The following MAP4K3 variants were observed in gnomAD, a reference collection of about 807,000 sequenced individuals.
MAP4K3 encodes mitogen-activated protein kinase kinase kinase kinase 3, also known as MAPK/ERK kinase kinase kinase 3.
A neutral mutation model predicts 143.5 loss-of-function variants in MAP4K3; 94 were observed. That is an observed-to-expected ratio of 0.65 (90% CI 0.55 to 0.78). The LOEUF (loss-of-function observed/expected upper bound fraction) is 0.78. Among genes scored for constraint, MAP4K3 ranks in the 30% least tolerant of loss-of-function variants. The probability of loss-of-function intolerance (pLI) is 0.00; values close to 1 mark genes in which losing one functional copy is unlikely to be tolerated. For synonymous variants in MAP4K3, 416 were observed against 347.2 expected, an observed-to-expected ratio of 1.20 and a Z score of -2.20; for missense variants, 1,077 against 1,068.1, an observed-to-expected ratio of 1.01 and a Z score of -0.12.
chr2:39,333,429 T>C, intron 7 of MAP4K3, 103 bp downstream of exon 7: 1 of 807,072 alleles, frequency 1.2e-6, no homozygotes, highest in South Asian at 1.6e-5. Flanking sequence ...AATACACAGA[T>C]GCCGTCTTAG....
At chr2:39,367,214 A>G (rs1310097959) in intron 2 of MAP4K3, among the ~76,000 whole-genome samples, 6 of 152,220 alleles carry the variant, frequency 3.9e-5, no homozygotes, top group Admixed American at 3.9e-4. Context: ...GGTTCCACAA[A>G]GCCAAGTAGA....
chr2:39,309,391 T>G, intron 14 of MAP4K3, 70 bp downstream of exon 14: 1 of 1,209,174 alleles, frequency 8.3e-7, no homozygotes, highest in Non-Finnish European at 1.2e-6. Flanking sequence ...TGGTCAGTAC[T>G]AATACATCAC....
At chr2:39,337,263 CTT>C (rs1482135396) in intron 5 of MAP4K3, among the ~76,000 whole-genome samples, 1 of 151,958 alleles carries the variant, frequency 6.6e-6, no homozygotes, top group Non-Finnish European at 1.5e-5. Flanking sequence ...ATTTTCAAGC[CTT>C]TCTTTGGTAT....
intron 4 of MAP4K3, among the ~76,000 whole-genome samples, chr2:39,341,474 T>C (rs1448679954): frequency 6.6e-6 from 1 of 151,980 alleles, no homozygotes; most frequent in Non-Finnish European, 1.5e-5. Flanking sequence ...CTGGCCAATA[T>C]GGTGAAACTC....
At chr2:39,358,106 T>A (rs1036425314) in intron 2 of MAP4K3, among the ~76,000 whole-genome samples, 4 of 152,202 alleles carry the variant, frequency 2.6e-5, no homozygotes, top group African/African-American at 9.6e-5. Context: ...TCTCTGTAAT[T>A]TTCAGATATA....
At chr2:39,332,999 T>G (rs993359336) in intron 7 of MAP4K3, among the ~76,000 whole-genome samples, 2 of 152,246 alleles carry the variant, frequency 1.3e-5, no homozygotes, top group South Asian at 4.1e-4. Context: ...GTTCTTAAAC[T>G]TGCAAATTAA....
chr2:39,409,201 C>T (rs1014103034), intron 1 of MAP4K3, among the ~76,000 whole-genome samples: 28 of 152,098 alleles, frequency 1.8e-4, no homozygotes, highest in Non-Finnish European at 3.7e-4. Flanking sequence ...TTCGCCTTTC[C>T]TTTTCTGTAG....
intron 13 of MAP4K3, among the ~76,000 whole-genome samples, chr2:39,312,941 CCT>C (rs893289657): frequency 5.3e-5 from 8 of 152,186 alleles, no homozygotes; most frequent in African/African-American, 1.4e-4. Flanking sequence ...TTGTACAACC[CCT>C]GAGTGCAAGG....
At chr2:39,403,164 A>G (rs533866081) in intron 1 of MAP4K3, among the ~76,000 whole-genome samples, 1 of 152,278 alleles carries the variant, frequency 6.6e-6, no homozygotes, top group East Asian at 1.9e-4. Flanking sequence ...TGAAAAGAAT[A>G]CTTCTCAAGA....
chr2:39,343,854 C>T (rs1197303708), intron 3 of MAP4K3, among the ~76,000 whole-genome samples: 1 of 152,098 alleles, frequency 6.6e-6, no homozygotes, highest in Non-Finnish European at 1.5e-5. Context: ...TAAATGTTAG[C>T]TTCATATCTA....
chr2:39,347,366 C>T (rs1015273254), intron 3 of MAP4K3, among the ~76,000 whole-genome samples: 1 of 152,170 alleles, frequency 6.6e-6, no homozygotes, highest in Non-Finnish European at 1.5e-5. Flanking sequence ...ATCTTCACAT[C>T]TGCCACAAGT....
At chr2:39,421,189 C>T (rs1178005175) in intron 1 of MAP4K3, among the ~76,000 whole-genome samples, 2 of 152,062 alleles carry the variant, frequency 1.3e-5, no homozygotes, top group African/African-American at 4.8e-5. Flanking sequence ...AAATTGCTTC[C>T]CTTATTTCTA....
At chr2:39,342,971 C>T (rs891921230) in intron 4 of MAP4K3, among the ~76,000 whole-genome samples, 1 of 152,100 alleles carries the variant, frequency 6.6e-6, no homozygotes, top group African/African-American at 2.4e-5. Context: ...TTGAATCCCT[C>T]GGAATCTGGC....
intron 1 of MAP4K3, among the ~76,000 whole-genome samples, chr2:39,396,450 G>C (rs1666807238): frequency 6.7e-6 from 1 of 150,122 alleles, no homozygotes; most frequent in Non-Finnish European, 1.5e-5. Context: ...TTTTACTCAA[G>C]ACAATGTGCT....
In MAP4K3 at chr2:39,278,413, C is replaced by T; in HGVS notation, c.1788G>A (p.Met596Ile). The T allele has an allele frequency of 1.3e-6, 2 of 1,571,174 alleles. No individual in the cohort carries two copies. The highest frequency in any genetic ancestry group is 1.7e-6 in the Non-Finnish European group (2 of 1,152,504). Reference sequence around the variant, plus strand: ...AATATACAAAATAACATACCTGTTCCATTGATGTTTCATGAAGTTCATTAA... The same window carrying T: ...AATATACAAAATAACATACCTGTTCTATTGATGTTTCATGAAGTTCATTAA... ...LNLNELHETS[M>I]EQLFPRRCTW... The change falls in exon 24 of 34, where the codon ATG (methionine) becomes ATA (isoleucine). Residue 596 changes from methionine to isoleucine, a missense_variant. Around this residue, in one of 2 missense-constraint regions of MAP4K3, gnomAD observed 864 missense variants for 801.2 expected, o/e 1.08. Transcript: ENST00000263881.
At chr2:39,381,282 T>C (rs1462669351) in intron 1 of MAP4K3, among the ~76,000 whole-genome samples, 4 of 152,252 alleles carry the variant, frequency 2.6e-5, no homozygotes, top group East Asian at 1.9e-4. Flanking sequence ...AATTTTCCAT[T>C]TGAATATCTT....
At chr2:39,391,245 G>C (rs899307812) in intron 1 of MAP4K3, among the ~76,000 whole-genome samples, 3 of 149,820 alleles carry the variant, frequency 2.0e-5, no homozygotes, top group African/African-American at 4.9e-5. Context: ...TGTAGTCTCA[G>C]CTACTCGGGA....
intron 4 of MAP4K3, among the ~76,000 whole-genome samples, chr2:39,341,336 AG>A (rs766065287): frequency 6.6e-6 from 1 of 152,240 alleles, no homozygotes; most frequent in East Asian, 1.9e-4. Context: ...TCAAACACTG[AG>A]GAAGTTTACC....
intron 1 of MAP4K3, among the ~76,000 whole-genome samples, chr2:39,426,648 G>A (rs1261881229): frequency 1.3e-5 from 2 of 151,986 alleles, no homozygotes; most frequent in South Asian, 2.1e-4. Flanking sequence ...AAGGATGTAT[G>A]AGAGTTATTT....
Sources: allele counts gnomAD v4.1 joint callset (sites outside exome capture counted in the v4.1 genomes callset), GRCh38; gene constraint gnomAD v4.1.1; regional missense constraint gnomAD v4.1.1; transcripts MANE v1.5; gene names NCBI Gene and HGNC (gene_info 2026-07-23, HGNC 2026-07-21).